The following LUC7L2 variants were observed in gnomAD, a reference collection of about 807,000 sequenced individuals.
LUC7L2 encodes LUC7 like 2, pre-mRNA splicing factor.
LUC7L2 carries 25 observed loss-of-function variants against 52.8 expected under a neutral mutation model. The ratio of observed to expected loss-of-function variants is 0.47; its 90% CI spans 0.34 to 0.66. The LOEUF (loss-of-function observed/expected upper bound fraction) is 0.66. LUC7L2 is among the 30% of genes least tolerant of loss of function. The pLI is 0.01. For missense variants in LUC7L2, 328 were observed against 497.8 expected (o/e 0.66, Z 3.25); for synonymous variants, 144 against 160.9 (o/e 0.89, Z 0.80).
chr7:139,356,933 T>C (rs1319627599), upstream of LUC7L2, among the ~76,000 whole-genome samples: 7 of 152,126 alleles, frequency 4.6e-5, no homozygotes, highest in African/African-American at 1.2e-4. Flanking sequence ...ATAAAGAACA[T>C]TGATTATATA....
intron 1 of LUC7L2, among the ~76,000 whole-genome samples, chr7:139,370,665 G>A (rs985238108): frequency 6.6e-5 from 10 of 152,192 alleles, no homozygotes; most frequent in Non-Finnish European, 1.5e-4. Context: ...ATGTTAGCCA[G>A]GCTGGCCTTG....
intron 3 of LUC7L2, among the ~76,000 whole-genome samples, chr7:139,400,378 G>A (rs559849127): frequency 9.2e-5 from 14 of 152,070 alleles, no homozygotes; most frequent in Non-Finnish European, 1.3e-4. Flanking sequence ...GCATGGTGGT[G>A]GGTGCCTGTA....
intron 4 of LUC7L2, 109 bp from the exon 5 acceptor site, chr7:139,405,535 C>T: frequency 7.5e-7 from 1 of 1,339,018 alleles, no homozygotes; most frequent in South Asian, 1.6e-5. Context: ...CATTCTTTAA[C>T]CACATACTGC....
chr7:139,359,861 C>A (rs1799767145), upstream of LUC7L2: 4 of 409,930 alleles, frequency 9.8e-6, no homozygotes, highest in Non-Finnish European at 1.7e-5. Flanking sequence ...GTGGAGCCCC[C>A]GCGGGAAACG....
At chr7:139,409,218 G>A (rs1296075847) in intron 6 of LUC7L2, among the ~76,000 whole-genome samples, 2 of 151,522 alleles carry the variant, frequency 1.3e-5, no homozygotes, top group Non-Finnish European at 2.9e-5. Context: ...GAGGTGGGAG[G>A]ATCACTGGAG....
At chr7:139,340,685 GC>G (rs1457377237) in intron 1 of LUC7L2, 1 of 393,234 alleles carries the variant, frequency 2.5e-6, no homozygotes, top group Admixed American at 4.4e-5. Context: ...TTGTGTGAGC[GC>G]GTCGTTTGCA....
intron 3 of LUC7L2, among the ~76,000 whole-genome samples, chr7:139,398,982 A>G (rs959067110): frequency 1.3e-5 from 2 of 152,172 alleles, no homozygotes; most frequent in Non-Finnish European, 2.9e-5. Context: ...TATCAAGCAA[A>G]TGTAAGCAAC....
Position 139,365,380 on chromosome 7 carries a change from T to C in LUC7L2, c.61+5058T>C, listed in dbSNP as rs78437026. 6.6e-5 allele frequency among the ~76,000 whole-genome samples: 10 copies of C among 152,328 alleles called. No individual in the cohort carries two copies. The East Asian group carries it at 1.9e-3, about 29-fold the overall frequency. ...ATTTTGTCTATTTCTGCATCAGTTC[T>C]ATAAGGAGCAAGTAAATTCTTTTAT... On this transcript the variant is annotated intron_variant, in intron 1 of 9. Transcript: ENST00000354926.
At chr7:139,406,234 T>C (rs149510254) in intron 5 of LUC7L2, among the ~76,000 whole-genome samples, 1,947 of 152,140 alleles carry the variant, frequency 0.013, 44 homozygotes, top group African/African-American at 0.044. Flanking sequence ...ATATTTTTAG[T>C]AGAGACAGGG....
chr7:139,394,484 G>C (rs556007736), intron 2 of LUC7L2, among the ~76,000 whole-genome samples: 2 of 152,124 alleles, frequency 1.3e-5, no homozygotes, highest in Non-Finnish European at 2.9e-5. Flanking sequence ...TCTTCCTTTG[G>C]TTGGTTGTGT....
chr7:139,385,354 A>G (rs1051405674), intron 2 of LUC7L2, among the ~76,000 whole-genome samples: 2 of 127,954 alleles, frequency 1.6e-5, no homozygotes, highest in Admixed American at 9.9e-5. Context: ...ACAGGTTCTC[A>G]TTCTGGCACC....
intron 1 of LUC7L2, chr7:139,340,753 T>A: frequency 2.7e-6 from 1 of 376,472 alleles, no homozygotes; most frequent in Non-Finnish European, 4.7e-6. Context: ...GGATTGTGGG[T>A]TCGAGTCCCA....
chr7:139,380,493 G>A (rs1269210177), intron 2 of LUC7L2, among the ~76,000 whole-genome samples: 1 of 152,004 alleles, frequency 6.6e-6, no homozygotes, highest in Non-Finnish European at 1.5e-5. Context: ...CCAGCTGCTC[G>A]GGAGGCTGAG....
chr7:139,359,367 G>A (rs1799730935), upstream of LUC7L2: 1 of 157,514 alleles, frequency 6.3e-6, no homozygotes, highest in African/African-American at 2.4e-5. Flanking sequence ...CTTCCCAGCC[G>A]AGGAGCCTTA....
intron 2 of LUC7L2, among the ~76,000 whole-genome samples, chr7:139,396,630 T>TACTTTGTCTAATTTTCTCATA (rs1231220922): frequency 4.6e-5 from 7 of 152,220 alleles, no homozygotes; most frequent in African/African-American, 1.7e-4. Context: ...GGTTTTGAGA[T>TACTTTGTCTAATTTTCTCATA]ACTTTGTCTA....
chr7:139,395,619 T>C (rs541696537), intron 2 of LUC7L2, among the ~76,000 whole-genome samples: 34 of 152,284 alleles, frequency 2.2e-4, no homozygotes, highest in Admixed American at 7.2e-4. Context: ...GAAGGTAATA[T>C]AGTTTTACAG....
intron 1 of LUC7L2, among the ~76,000 whole-genome samples, chr7:139,340,826 C>T (rs907083045): frequency 2.0e-5 from 3 of 147,510 alleles, no homozygotes; most frequent in Non-Finnish European, 3.0e-5. Flanking sequence ...AATATGCCAA[C>T]TTTACTTTTT....
intron 2 of LUC7L2, chr7:139,392,424 CT>C (rs1306430996): frequency 5.2e-6 from 2 of 384,742 alleles, no homozygotes; most frequent in African/African-American, 2.1e-5. Context: ...ACTTTGTTAC[CT>C]TTGTTAGTAA....
At chr7:139,390,773 G>T (rs1794416701) in intron 2 of LUC7L2, among the ~76,000 whole-genome samples, 1 of 151,180 alleles carries the variant, frequency 6.6e-6, no homozygotes, top group South Asian at 2.1e-4. Flanking sequence ...AGCCAGGATG[G>T]TCTCGATCTC....
Sources: allele counts gnomAD v4.1 joint callset (sites outside exome capture counted in the v4.1 genomes callset), GRCh38; gene constraint gnomAD v4.1.1; transcripts MANE v1.5; gene names NCBI Gene and HGNC (gene_info 2026-07-23, HGNC 2026-07-21).